Variants in PPIL4 observed in about 807,000 individuals in gnomAD.
PPIL4 encodes the protein peptidylprolyl isomerase like 4, also known as peptidyl-prolyl cis-trans isomerase-like 4.
A neutral mutation model predicts 69.1 loss-of-function variants in PPIL4; 50 were observed. That is an observed-to-expected ratio of 0.72 (90% CI 0.58 to 0.92). PPIL4 has a LOEUF of 0.92. PPIL4 is among the 40% of genes least tolerant of loss of function. The pLI is 0.00. For synonymous variants in PPIL4, 193 were observed against 191.6 expected (o/e 1.01, Z -0.06); for missense variants, 480 against 587.9 (o/e 0.82, Z 1.90).
Position 149,526,783 on chromosome 6 carries a change from T to C in PPIL4, c.679-7A>G, listed in dbSNP as rs759278160. 1.2e-6 allele frequency: 2 copies of C among 1,611,066 alleles called. No individual in the cohort carries two copies. Among genetic ancestry groups the C allele is most frequent in the African/African-American group, 1.3e-5 (1 of 74,962 alleles). ...CATCAGGTAGGTCTCCCACCTAAAT[T>C]ACAAACAAACAAAAACATAAATCAA... is the stretch of plus-strand genomic sequence containing the variant. On this transcript the variant is annotated splice_region_variant and splice_polypyrimidine_tract_variant and intron_variant, in intron 7 of 12. Coordinates refer to ENST00000253329, the MANE Select transcript of PPIL4 (RefSeq NM_139126.4).
Position 149,504,758 on chromosome 6 carries a change from T to C in PPIL4, c.*695A>G, listed in dbSNP as rs1776741955. On this transcript the variant is annotated 3_prime_UTR_variant, in exon 13 of 13. Transcript: ENST00000253329. Reference sequence around the variant, plus strand: ...TTCAGAACACAAATTTGGCATTATTTTATCAATATATCAAGCAATATAACT... The same window carrying C: ...TTCAGAACACAAATTTGGCATTATTCTATCAATATATCAAGCAATATAACT... 1 of 152,156 alleles carries C rather than the reference T, an allele frequency of 6.6e-6. No individual in the cohort carries two copies. The highest frequency in any genetic ancestry group is 2.4e-5 in the African/African-American group (1 of 41,408). The allele number at this position is 152,156 out of a possible 1,614,324, so 9.4% of individuals were successfully genotyped here.
At chr6:149,513,441 A>G (rs1019756708) in intron 11 of PPIL4, among the ~76,000 whole-genome samples, 1 of 141,344 alleles carries the variant, frequency 7.1e-6, no homozygotes, top group Non-Finnish European at 1.5e-5. Context: ...ATATATATAC[A>G]TATAAAAAAT....
chr6:149,544,764 C>T (rs376452368), intron 1 of PPIL4, among the ~76,000 whole-genome samples: 1 of 152,086 alleles, frequency 6.6e-6, no homozygotes, highest in Non-Finnish European at 1.5e-5. Flanking sequence ...AACAATGGTA[C>T]GGGAGAGTTT....
At chr6:149,529,238 AC>A (rs1358111497) in intron 7 of PPIL4, among the ~76,000 whole-genome samples, 1 of 151,522 alleles carries the variant, frequency 6.6e-6, no homozygotes, top group African/African-American at 2.4e-5. Flanking sequence ...AAAAAAAAAA[AC>A]AAAAAAAAGA....
intron 1 of PPIL4, among the ~76,000 whole-genome samples, chr6:149,542,899 G>C (rs1171846525): frequency 6.6e-6 from 1 of 152,202 alleles, no homozygotes; most frequent in East Asian, 1.9e-4. Context: ...AGCATGAAAA[G>C]ACTGGAGAGA....
intron 4 of PPIL4, among the ~76,000 whole-genome samples, chr6:149,538,179 C>T (rs984452324): frequency 2.0e-5 from 3 of 151,878 alleles, no homozygotes; most frequent in African/African-American, 7.3e-5. Context: ...GGCAAGAGAA[C>T]TGTTTGAACC....
intron 1 of PPIL4, among the ~76,000 whole-genome samples, chr6:149,542,607 G>A (rs925231933): frequency 2.0e-5 from 3 of 152,170 alleles, no homozygotes; most frequent in African/African-American, 7.2e-5. Flanking sequence ...GTTACATACT[G>A]GGCATATCTA....
intron 12 of PPIL4, among the ~76,000 whole-genome samples, 192 bp from the exon 13 acceptor site, chr6:149,505,896 G>T (rs912672052): frequency 6.6e-6 from 1 of 152,140 alleles, no homozygotes; most frequent in South Asian, 2.1e-4. Flanking sequence ...GTTTAACAAC[G>T]TCATTGATTT....
At chr6:149,531,451 G>A (rs1245157231) in intron 7 of PPIL4, among the ~76,000 whole-genome samples, 2 of 150,172 alleles carry the variant, frequency 1.3e-5, no homozygotes, top group Non-Finnish European at 3.0e-5. Context: ...CAGCTGAATC[G>A]CTTGAACCTG....
intron 7 of PPIL4, among the ~76,000 whole-genome samples, chr6:149,530,213 G>T (rs1337598934): frequency 6.6e-6 from 1 of 152,166 alleles, no homozygotes; most frequent in South Asian, 2.1e-4. Flanking sequence ...ATGCAAGACT[G>T]GGGGAAAGAG....
At chr6:149,511,179 C>T (rs1776835814) in intron 12 of PPIL4, among the ~76,000 whole-genome samples, 1 of 151,690 alleles carries the variant, frequency 6.6e-6, no homozygotes, top group Non-Finnish European at 1.5e-5. Context: ...CACCAGGGCC[C>T]AGCATAAATG....
chr6:149,513,134 C>T (rs1376290694), intron 11 of PPIL4, among the ~76,000 whole-genome samples: 1 of 147,990 alleles, frequency 6.8e-6, no homozygotes, highest in South Asian at 2.1e-4. Flanking sequence ...ACCTGTAATC[C>T]CAGCACTTTG....
In PPIL4 at chr6:149,541,680, A is replaced by G. The variant is rs895169631; in HGVS notation, c.71-94T>C. On this transcript the variant is annotated intron_variant, in intron 1 of 12. Transcript: ENST00000253329. Reference sequence around the variant, plus strand: ...AGTAAAATGTAATTTCTAAATTACTATTAAAAGAAAAAAAAAGTCAAATGT... The same window carrying G: ...AGTAAAATGTAATTTCTAAATTACTGTTAAAAGAAAAAAAAAGTCAAATGT... 5 of 719,474 alleles carry G rather than the reference A, an allele frequency of 6.9e-6. No homozygotes were observed. In the Admixed American group the frequency reaches 7.7e-5, roughly 11 times the overall value. The allele number at this position is 719,474 out of a possible 1,614,324, so 44.6% of individuals were successfully genotyped here. A position where few individuals can be genotyped will look rare whatever the true frequency, so the allele number is the denominator to read the frequency against.
chr6:149,541,786 G>C (rs911486170), intron 1 of PPIL4, among the ~76,000 whole-genome samples, 200 bp from the exon 2 acceptor site: 1 of 152,142 alleles, frequency 6.6e-6, no homozygotes, highest in African/African-American at 2.4e-5. Context: ...GAGGTGAGTG[G>C]ATCACTTGAA....
chr6:149,512,936 G>C (rs530031392), intron 11 of PPIL4, among the ~76,000 whole-genome samples: 1 of 151,740 alleles, frequency 6.6e-6, no homozygotes, highest in South Asian at 2.1e-4. Flanking sequence ...TAGAAACGGG[G>C]CTTCCCCATG....
chr6:149,535,526 T>C (rs1423926159), intron 5 of PPIL4, 70 bp downstream of exon 5: 4 of 1,256,760 alleles, frequency 3.2e-6, no homozygotes, highest in South Asian at 1.4e-5. Flanking sequence ...TTCCTATCCA[T>C]ACCACTACGT....
Position 149,541,177 on chromosome 6 carries a change from T to C in PPIL4, c.204-118A>G, listed in dbSNP as rs542482193. Reference sequence around the variant, plus strand: ...AGAAATGCCAACAGAATTCAAAATATTACTTTTTTTTTTTTAGGGAACTTG... The same window carrying C: ...AGAAATGCCAACAGAATTCAAAATACTACTTTTTTTTTTTTAGGGAACTTG... On this transcript the variant is annotated intron_variant, in intron 3 of 12. Transcript: ENST00000253329. 60 of 612,848 alleles carry C rather than the reference T, an allele frequency of 9.8e-5. 1 individual carries two copies. In the South Asian group the frequency reaches 2.4e-3, roughly 24 times the overall value. 38.0% of individuals were successfully genotyped at this position (612,848 alleles called of 1,614,324 possible). A position where few individuals can be genotyped will look rare whatever the true frequency, so the allele number is the denominator to read the frequency against.
In PPIL4 at chr6:149,504,872, GTATATT is replaced by G. The variant is rs1776743767; in HGVS notation, c.*575_*580del. The G allele has an allele frequency of 6.6e-6, 1 of 152,144 alleles. No individual in the cohort carries two copies. The highest frequency in any genetic ancestry group is 1.5e-5 in the Non-Finnish European group (1 of 68,038). The allele number at this position is 152,144 out of a possible 1,614,324, so 9.4% of individuals were successfully genotyped here. A position where few individuals can be genotyped will look rare whatever the true frequency, so the allele number is the denominator to read the frequency against. On this transcript the variant is annotated 3_prime_UTR_variant, in exon 13 of 13. Coordinates refer to ENST00000253329, the MANE Select transcript of PPIL4 (RefSeq NM_139126.4). The stretch of plus-strand genomic sequence containing the variant: ...GTCCATCAAGAATGAATAAGTTGTA[GTATATT>G]TATATAATACTATATAGCAATAAAA...
At chr6:149,516,249 T>C (rs1398784426) in intron 11 of PPIL4, among the ~76,000 whole-genome samples, 1 of 152,220 alleles carries the variant, frequency 6.6e-6, no homozygotes, top group Non-Finnish European at 1.5e-5. Flanking sequence ...CCCTTGAATG[T>C]TGATCTTTTC....
Sources: allele counts gnomAD v4.1 joint callset (sites outside exome capture counted in the v4.1 genomes callset), GRCh38; gene constraint gnomAD v4.1.1; transcripts MANE v1.5; gene names NCBI Gene and HGNC (gene_info 2026-07-23, HGNC 2026-07-21).